ROS1: variants seen among roughly 807,000 people sequenced by gnomAD.
ROS1 encodes ROS proto-oncogene 1, receptor tyrosine kinase.
In ROS1, 263 loss-of-function variants were observed where a neutral mutation model predicts 273.5. The ratio of observed to expected loss-of-function variants is 0.96; its 90% CI spans 0.87 to 1.06. The LOEUF is 1.06. ROS1 is among the 50% of genes least tolerant of loss of function. ROS1 has a pLI of 0.00. For missense variants in ROS1, 2,833 were observed against 2,751.1 expected (o/e 1.03, Z -0.67); for synonymous variants, 1,008 against 954.1 (o/e 1.06, Z -1.04).
rs1295694155 is a variant in ROS1 at position 117,359,917 on chromosome 6, T to C, written c.3525A>G (p.Ala1175=). ...AGCAAACGGCACTGATAACTCTTTC[T>C]GCTGAAAACGTCCACACAACTTGAT... is the stretch of plus-strand genomic sequence containing the variant. ...DQNQVVWTFS[A]ERVISAVCYT... Residue 1175 remains alanine (A), a synonymous_variant, in exon 24 of 44, where the codon GCA becomes GCG. Transcript: ENST00000368507. 5.6e-6 allele frequency: 9 copies of C among 1,613,828 alleles called. No individual in the cohort carries two copies. In the Admixed American group the frequency reaches 1.0e-4, roughly 18 times the overall value.
intron 18 of ROS1, among the ~76,000 whole-genome samples, chr6:117,367,482 A>G (rs1273739983): frequency 6.6e-6 from 1 of 152,198 alleles, no homozygotes; most frequent in Non-Finnish European, 1.5e-5. Context: ...TCTATCCAAC[A>G]ACCCTCACTC....
At chr6:117,376,391 CA>C (rs1400577587) in intron 18 of ROS1, among the ~76,000 whole-genome samples, 1 of 152,014 alleles carries the variant, frequency 6.6e-6, no homozygotes, top group African/African-American at 2.4e-5. Context: ...ACTCCAGGTC[CA>C]GATGAATTAG....
At chr6:117,314,124 CA>C (rs561816123) in intron 39 of ROS1, among the ~76,000 whole-genome samples, 165 of 152,116 alleles carry the variant, frequency 1.1e-3, no homozygotes, top group African/African-American at 3.7e-3. Context: ...CACCACAAAA[CA>C]AGACAAATCT....
Position 117,387,008 on chromosome 6 carries a change from TA to T in ROS1, c.2000-10del, listed in dbSNP as rs764621891. 2 of 1,536,708 alleles carry T rather than the reference TA, an allele frequency of 1.3e-6. No homozygotes were observed. The highest frequency in any genetic ancestry group is 1.8e-6 in the Non-Finnish European group (2 of 1,113,662). ...AAATGGTGGTTCACTAGCTGTTTAG[TA>T]AAAAAGAAATTAAAAGAAACATCAG... On this transcript the variant is annotated splice_polypyrimidine_tract_variant and intron_variant, in intron 14 of 43. Coordinates refer to ENST00000368507, the MANE Select transcript of ROS1 (RefSeq NM_001378902.1).
chr6:117,389,509 G>A lies in ROS1; in HGVS notation c.1627C>T (p.Leu543=), dbSNP rs748468509. 6.2e-7 allele frequency: 1 copy of A among 1,614,122 alleles called. No homozygotes were observed. The highest frequency in any genetic ancestry group is 1.1e-5 in the South Asian group (1 of 91,082). ...AACCCAAATTCTTCTATGTGACTCA[G>A]GTCACATCCCACGATGAATTCATTA... ...SFNEFIVGCD[L]SHIEEFGFGN... Residue 543 remains leucine (L), a synonymous_variant, in exon 13 of 44, where the codon CTG becomes TTG. Coordinates refer to ENST00000368507, the MANE Select transcript of ROS1 (RefSeq NM_001378902.1).
intron 10 of ROS1, 22 bp downstream of exon 10, chr6:117,394,593 TC>T (rs775708256): frequency 2.0e-6 from 3 of 1,499,864 alleles, no homozygotes; most frequent in Non-Finnish European, 2.7e-6. Context: ...CACTAAGGAA[TC>T]ATTTATCCTT....
chr6:117,350,256 A>T (rs1582700765), intron 27 of ROS1, among the ~76,000 whole-genome samples: 1 of 152,108 alleles, frequency 6.6e-6, no homozygotes, highest in South Asian at 2.1e-4. Flanking sequence ...TTCACAGGGT[A>T]TGGAATTCTA....
chr6:117,366,984 C>T (rs758224490), intron 18 of ROS1, among the ~76,000 whole-genome samples: 9 of 152,178 alleles, frequency 5.9e-5, no homozygotes, highest in Admixed American at 1.3e-4. Context: ...TGTGCTCCTA[C>T]AACTCTTGCA....
chr6:117,310,437 A>C (rs901622207), intron 40 of ROS1, among the ~76,000 whole-genome samples, 156 bp from the exon 41 acceptor site: 1 of 151,916 alleles, frequency 6.6e-6, no homozygotes, highest in African/African-American at 2.4e-5. Flanking sequence ...GAAGTTTGTT[A>C]CATAGGTATA....
chr6:117,343,761 T>C (rs1778138353), intron 28 of ROS1, among the ~76,000 whole-genome samples: 1 of 152,154 alleles, frequency 6.6e-6, no homozygotes, highest in South Asian at 2.1e-4. Flanking sequence ...TCTCTATCAT[T>C]CTCTCTGAGG....
chr6:117,350,047 A>G (rs577198679), intron 27 of ROS1, among the ~76,000 whole-genome samples: 2 of 143,018 alleles, frequency 1.4e-5, no homozygotes, highest in Non-Finnish European at 3.0e-5. Flanking sequence ...AAAAAGAAAA[A>G]CTTTTACTTT....
intron 4 of ROS1, among the ~76,000 whole-genome samples, chr6:117,409,920 A>G (rs1483223931): frequency 6.6e-6 from 1 of 152,198 alleles, no homozygotes; most frequent in East Asian, 1.9e-4. Context: ...TAGTACACAC[A>G]TACATGTTGA....
At chr6:117,391,257 A>G (rs766127233) in intron 12 of ROS1, among the ~76,000 whole-genome samples, 15 of 152,210 alleles carry the variant, frequency 9.9e-5, no homozygotes, top group Non-Finnish European at 2.2e-4. Flanking sequence ...CTTGGCTCTT[A>G]ATTTTCTGCT....
intron 27 of ROS1, among the ~76,000 whole-genome samples, chr6:117,348,031 TTTC>T (rs1324245903): frequency 6.6e-6 from 1 of 152,010 alleles, no homozygotes; most frequent in African/African-American, 2.4e-5. Context: ...GGTCTAAAAT[TTTC>T]TTTTCTTGTA....
At chr6:117,370,936 TAA>T (rs2128669954) in intron 18 of ROS1, among the ~76,000 whole-genome samples, 1 of 152,296 alleles carries the variant, frequency 6.6e-6, no homozygotes, top group East Asian at 1.9e-4. Flanking sequence ...ATAATTATAT[TAA>T]GTGTAAATGA....
intron 18 of ROS1, among the ~76,000 whole-genome samples, chr6:117,374,877 T>C (rs1476178851): frequency 6.6e-6 from 1 of 152,214 alleles, no homozygotes; most frequent in Non-Finnish European, 1.5e-5. Context: ...ACAACCACTA[T>C]GGAAAACAGT....
intron 18 of ROS1, among the ~76,000 whole-genome samples, chr6:117,370,809 TA>T (rs1780703730): frequency 1.3e-5 from 2 of 152,230 alleles, no homozygotes; most frequent in Non-Finnish European, 2.9e-5. Flanking sequence ...AATGGAATAC[TA>T]AAAATTATTT....
intron 43 of ROS1, among the ~76,000 whole-genome samples, chr6:117,292,177 A>G (rs546417284): frequency 9.2e-5 from 14 of 152,074 alleles, no homozygotes; most frequent in South Asian, 2.1e-4. Flanking sequence ...TCACCATGTT[A>G]GCCAGGATGG....
In ROS1 at chr6:117,383,390, G is replaced by C; in HGVS notation, c.2408C>G (p.Ser803Ter). ...GGYLYWTTLY[S>*]VESTRLNGES... ...CCCATTTAGTCTGGTGCTTTCCACT[G>C]AATAGAGTGTGGTCCAGTAGAGATA... The change falls in exon 17 of 44, where the codon TCA (serine) becomes TGA (stop). Residue 803 changes from serine (S) to a stop codon, truncating the protein, a stop_gained. Coordinates refer to ENST00000368507, the MANE Select transcript of ROS1 (RefSeq NM_001378902.1). LOFTEE classifies it high-confidence loss of function. 6.2e-7 allele frequency: 1 copy of C among 1,614,028 alleles called. No homozygotes were observed.
Sources: gnomAD v4.1 joint callset for allele counts (sites outside exome capture counted in the v4.1 genomes callset) on GRCh38, gnomAD v4.1.1 for gene constraint, MANE v1.5 for transcripts, NCBI Gene and HGNC (gene_info 2026-07-23, HGNC 2026-07-21) for gene names.